Variants in KAT6A observed in about 807,000 individuals in gnomAD.
KAT6A encodes histone acetyltransferase KAT6A.
Under a neutral mutation model 198.4 loss-of-function variants are expected in KAT6A, and 9 were observed. The observed-to-expected ratio is 0.05, with a 90% confidence interval of 0.03 to 0.08. The LOEUF (loss-of-function observed/expected upper bound fraction) is 0.08. Ranked by LOEUF, KAT6A falls within the 10% of genes least tolerant of loss-of-function variation. KAT6A has a pLI of 1.00. For synonymous variants in KAT6A, 890 were observed against 883.0 expected (o/e 1.01, Z -0.14); for missense variants, 2,077 against 2,509.9 (o/e 0.83, Z 3.69).
At chr8:41,963,591 CT>C (rs1438769805) in intron 8 of KAT6A, among the ~76,000 whole-genome samples, 2 of 152,194 alleles carry the variant, frequency 1.3e-5, no homozygotes, top group Non-Finnish European at 2.9e-5. Context: ...GCCCCAGTCA[CT>C]TTTCATTTTG....
At chr8:41,975,750 C>T (rs1352684697) in intron 7 of KAT6A, among the ~76,000 whole-genome samples, 1 of 152,138 alleles carries the variant, frequency 6.6e-6, no homozygotes, top group Non-Finnish European at 1.5e-5. Context: ...TTAAAGCAAA[C>T]GCTCACACCA....
intron 2 of KAT6A, among the ~76,000 whole-genome samples, chr8:42,009,975 C>T (rs1283576211): frequency 7.2e-6 from 1 of 139,188 alleles, no homozygotes; most frequent in Non-Finnish European, 1.6e-5. Context: ...AGAAAAAGTA[C>T]AGATTTACCC....
At chr8:42,039,571 A>G (rs1186338502) in intron 2 of KAT6A, among the ~76,000 whole-genome samples, 1 of 152,230 alleles carries the variant, frequency 6.6e-6, no homozygotes, top group Non-Finnish European at 1.5e-5. Flanking sequence ...TTGCTCTCCT[A>G]GTATTAAACA....
At position 41,937,395 on chromosome 8, in the gene KAT6A, CTCT is replaced by C; in HGVS notation, c.3210_3212del (p.Glu1074del). The C allele has an allele frequency of 6.2e-6, 10 of 1,614,132 alleles. No homozygotes were observed. The highest frequency in any genetic ancestry group is 2.2e-5 in the East Asian group (1 of 44,866). On this transcript the variant is annotated inframe_deletion, in exon 16 of 17. Coordinates refer to ENST00000265713, the MANE Select transcript of KAT6A (RefSeq NM_006766.5). ...AAAGTTCATTTTCATCCTCTTCCTC[CTCT>C]TCTTCATCGATCTCAAACGTGGGTT...
At chr8:41,980,449 A>T (rs1235981153) in intron 5 of KAT6A, among the ~76,000 whole-genome samples, 1 of 152,172 alleles carries the variant, frequency 6.6e-6, no homozygotes, top group South Asian at 2.1e-4. Context: ...ATATCTCTAT[A>T]GCTCTAGGGC....
Position 41,933,971 on chromosome 8 carries a change from G to C in KAT6A, c.4249C>G (p.His1417Asp). 6 of 1,614,000 alleles carry C rather than the reference G, an allele frequency of 3.7e-6. 1 individual carries two copies. In the African/African-American group the frequency reaches 6.7e-5, roughly 18 times the overall value. Residue 1417 changes from histidine (H) to aspartate (D), a missense_variant, in exon 17 of 17, where the codon CAT becomes GAT. By Grantham distance (81) the His-to-Asp change is moderately conservative. Coordinates refer to ENST00000265713, the MANE Select transcript of KAT6A (RefSeq NM_006766.5). The surrounding 1 kb of genome is among the most constrained non-coding windows in gnomAD (Gnocchi z 6.2). ...IELKEEEEIP[H>D]SELDLETVQA... ...ACAGTTTCCAGATCCAGCTCACTAT[G>C]AGGAATCTCTTCCTCCTCTTTTAAT...
intron 2 of KAT6A, among the ~76,000 whole-genome samples, chr8:41,991,657 T>TA (rs1428564631): frequency 6.6e-6 from 1 of 152,206 alleles, no homozygotes; most frequent in East Asian, 1.9e-4. Context: ...AGGACCATGG[T>TA]ACCTTTGGAA....
intron 6 of KAT6A, among the ~76,000 whole-genome samples, chr8:41,977,998 T>TTAA (rs1199126526): frequency 6.6e-6 from 1 of 152,156 alleles, no homozygotes; most frequent in East Asian, 1.9e-4. Context: ...TCATCAAAGG[T>TTAA]GAGTTACTAC....
At chr8:41,967,436 T>C (rs1587756003) in intron 8 of KAT6A, among the ~76,000 whole-genome samples, 1 of 140,582 alleles carries the variant, frequency 7.1e-6, no homozygotes, top group East Asian at 2.1e-4. Flanking sequence ...CCCAATGCTA[T>C]CCCTCCTCCC....
intron 2 of KAT6A, among the ~76,000 whole-genome samples, chr8:42,039,477 G>A (rs1357614660): frequency 6.6e-6 from 1 of 152,092 alleles, no homozygotes; most frequent in Non-Finnish European, 1.5e-5. Context: ...AAATCTAATA[G>A]ATGTTAAGGA....
At chr8:41,961,749 C>A (rs1383433155) in intron 8 of KAT6A, among the ~76,000 whole-genome samples, 10 of 121,550 alleles carry the variant, frequency 8.2e-5, no homozygotes, top group East Asian at 2.6e-4. Context: ...GAGACTCCAT[C>A]TCAAAAAAAA....
chr8:41,962,721 C>A (rs1279456940), intron 8 of KAT6A, among the ~76,000 whole-genome samples: 1 of 152,132 alleles, frequency 6.6e-6, no homozygotes, highest in South Asian at 2.1e-4. Context: ...AAAGTCCTTA[C>A]AATGGCCAAG....
At position 42,048,576 on chromosome 8, in the gene KAT6A, T is replaced by C. The variant is rs758265010; in HGVS notation, c.402A>G (p.Leu134=). Residue 134 remains leucine (L), a synonymous_variant, in exon 2 of 17, where the codon TTA becomes TTG. Transcript: ENST00000265713. ...FLKGQKDVSA[L]FGGSAASGFH... ...AGCCAGAGGCAGCACTGCCTCCGAA[T>C]AATGCAGACACATCCTTCTGACCTT... 2 of 1,614,206 alleles carry C rather than the reference T, an allele frequency of 1.2e-6. No individual in the cohort carries two copies. The highest frequency in any genetic ancestry group is 3.3e-4 in the Middle Eastern group (2 of 6,062).
rs755651619 is a variant in KAT6A, at chr8:42,048,726, C to A, written c.252G>T (p.Lys84Asn). The A allele has an allele frequency of 6.2e-7, 1 of 1,614,084 alleles. No homozygotes were observed. The highest frequency in any genetic ancestry group is 8.5e-7 in the Non-Finnish European group (1 of 1,180,046). The change falls in exon 2 of 17, where the codon AAG (lysine) becomes AAT (asparagine). Residue 84 changes from lysine to asparagine, a missense_variant. Transcript: ENST00000265713. Reference protein sequence around the residue: ...PDNPGRIALPKPRNHGKLDNK... With the variant: ...PDNPGRIALPNPRNHGKLDNK... ...TATCCAATTTTCCATGGTTCCGAGG[C>A]TTAGGAAGTGCTATTCGCCCAGGAT...
At chr8:42,012,370 TG>T (rs890153520) in intron 2 of KAT6A, among the ~76,000 whole-genome samples, 1 of 152,068 alleles carries the variant, frequency 6.6e-6, no homozygotes, top group African/African-American at 2.4e-5. Flanking sequence ...TCTTCACAAG[TG>T]TGATTAAATT....
Position 41,943,008 on chromosome 8 carries a change from C to G in KAT6A, c.2229-8G>C. On this transcript the variant is annotated splice_polypyrimidine_tract_variant and splice_region_variant and intron_variant, in intron 13 of 16. Transcript: ENST00000265713. ...CGGCGGATAATCACAAATCTGGAACCAGAGAAAAGTTTATAGCAATCAACA... is the reference window on the plus strand; with the variant it reads ...CGGCGGATAATCACAAATCTGGAACGAGAGAAAAGTTTATAGCAATCAACA... The G allele has an allele frequency of 6.2e-7, 1 of 1,613,766 alleles. No individual in the cohort carries two copies. Among genetic ancestry groups the G allele is most frequent in the South Asian group, 1.1e-5 (1 of 91,056 alleles).
chr8:41,982,906 G>A (rs1824429921), intron 3 of KAT6A, among the ~76,000 whole-genome samples: 1 of 152,128 alleles, frequency 6.6e-6, no homozygotes, highest in Non-Finnish European at 1.5e-5. Context: ...ACCATATACA[G>A]AGTTCGGTTT....
rs1189879720 is a variant in KAT6A at position 41,932,392 on chromosome 8, ATGT to A, written c.5825_5827del (p.Tyr1942_Met1943delinsLeu). 1.9e-6 allele frequency: 3 copies of A among 1,614,202 alleles called. No homozygotes were observed. Among genetic ancestry groups the A allele is most frequent in the Non-Finnish European group, 8.5e-7 (1 of 1,180,028 alleles). On this transcript the variant is annotated inframe_deletion, in exon 17 of 17. Transcript: ENST00000265713. ...CATAGGATACTGTGCTGTCTGGTTC[ATGT>A]AGGCAGGGTTACTATGGTAACTGCT...
At chr8:41,980,977 CAT>C (rs1258626649) in intron 4 of KAT6A, 50 bp from the exon 5 acceptor site, 2 of 1,260,194 alleles carry the variant, frequency 1.6e-6, no homozygotes, top group Non-Finnish European at 2.3e-6. Flanking sequence ...GAAGCAGAAA[CAT>C]GTTACGATCA....
Sources: allele counts gnomAD v4.1 joint callset (sites outside exome capture counted in the v4.1 genomes callset), GRCh38; gene constraint gnomAD v4.1.1; non-coding constraint Gnocchi (gnomAD v3.1); transcripts MANE v1.5; gene names NCBI Gene and HGNC (gene_info 2026-07-23, HGNC 2026-07-21).